The following PACRG variants were observed in gnomAD, a reference collection of about 807,000 sequenced individuals.
PACRG encodes the protein parkin coregulated, also known as parkin coregulated gene protein.
A neutral mutation model predicts 29.7 loss-of-function variants in PACRG; 29 were observed. That is an observed-to-expected ratio of 0.98 (90% CI 0.73 to 1.33). The LOEUF (loss-of-function observed/expected upper bound fraction) is 1.33, where lower values mean the gene tolerates loss of function less well. Ranked by LOEUF, PACRG falls within the 40% of genes most tolerant of loss-of-function variation. The pLI is 0.00. For missense variants in PACRG, 279 were observed against 316.2 expected (o/e 0.88, Z 0.89); for synonymous variants, 116 against 118.7 (o/e 0.98, Z 0.15).
At chr6:163,035,016 G>A (rs1289748630) in intron 2 of PACRG, among the ~76,000 whole-genome samples, 1 of 152,142 alleles carries the variant, frequency 6.6e-6, no homozygotes, top group Admixed American at 6.5e-5. Context: ...ACCATATAGG[G>A]TAACTTCCTG....
intron 2 of PACRG, among the ~76,000 whole-genome samples, chr6:162,844,425 A>C (rs71567683): frequency 0.07 from 10,619 of 152,268 alleles, 650 homozygotes; most frequent in South Asian, 0.11. Context: ...GCGCTTCCCA[A>C]GTGAGGCAAT....
chr6:162,900,738 T>G (rs1190508892), intron 2 of PACRG, among the ~76,000 whole-genome samples: 2 of 152,188 alleles, frequency 1.3e-5, no homozygotes, highest in Non-Finnish European at 2.9e-5. Context: ...CGGGACTTGC[T>G]GTTTGCTTTT....
At chr6:163,289,019 GC>G (rs1368086795) in intron 4 of PACRG, among the ~76,000 whole-genome samples, 5 of 152,190 alleles carry the variant, frequency 3.3e-5, no homozygotes, top group Non-Finnish European at 5.9e-5. Flanking sequence ...CCCTCCATCA[GC>G]GAGGACAGGC....
intron 1 of PACRG, among the ~76,000 whole-genome samples, chr6:162,793,581 A>G (rs976363202): frequency 6.6e-6 from 1 of 152,214 alleles, no homozygotes; most frequent in South Asian, 2.1e-4. Flanking sequence ...AAGAAGAAGG[A>G]AGAAAGGAAT....
chr6:163,237,070 G>A (rs948410669), intron 4 of PACRG, among the ~76,000 whole-genome samples: 1 of 152,160 alleles, frequency 6.6e-6, no homozygotes, highest in Non-Finnish European at 1.5e-5. Context: ...AATTCAACAC[G>A]AGATTTGACT....
chr6:162,741,990 T>C (rs1168225240), intron 1 of PACRG, among the ~76,000 whole-genome samples: 1 of 152,202 alleles, frequency 6.6e-6, no homozygotes, highest in Admixed American at 6.5e-5. Flanking sequence ...TGTTGTACAA[T>C]AGATCTCTTG....
intron 2 of PACRG, among the ~76,000 whole-genome samples, chr6:162,847,069 C>CCGTGCTCCT (rs1180054198): frequency 1.3e-5 from 2 of 148,276 alleles, no homozygotes; most frequent in African/African-American, 5.0e-5. Flanking sequence ...ATGCTGACTG[C>CCGTGCTCCT]CATGCTCCCC....
rs1377417251 is a variant in PACRG, at chr6:162,827,546, T to A, written c.291+13265T>A. Among the ~76,000 whole-genome samples, 4 of 152,352 alleles carry A rather than the reference T, an allele frequency of 2.6e-5. No individual in the cohort carries two copies. In the East Asian group the frequency reaches 7.7e-4, roughly 29 times the overall value. On this transcript the variant is annotated intron_variant, in intron 2 of 4. Transcript: ENST00000366888. ...AGCTCCACGACCAAATGAATAATCCTCTATGGAATATACTAGTATTGCAGA... is the reference window on the plus strand; with the variant it reads ...AGCTCCACGACCAAATGAATAATCCACTATGGAATATACTAGTATTGCAGA...
chr6:162,928,536 T>G (rs776295669), intron 2 of PACRG, among the ~76,000 whole-genome samples: 8 of 152,078 alleles, frequency 5.3e-5, no homozygotes, highest in Non-Finnish European at 1.0e-4. Flanking sequence ...ATTCAATACA[T>G]TCATGTAATT....
chr6:162,975,849 C>T (rs1801908096), intron 2 of PACRG, among the ~76,000 whole-genome samples: 2 of 151,970 alleles, frequency 1.3e-5, no homozygotes, highest in South Asian at 4.2e-4. Flanking sequence ...TCCCTCCCTC[C>T]CTTCCTTCCA....
chr6:163,313,379 GA>G (rs1785513760), intron 4 of PACRG, among the ~76,000 whole-genome samples: 3 of 151,886 alleles, frequency 2.0e-5, no homozygotes, highest in Admixed American at 2.0e-4. Context: ...AATAAGGATA[GA>G]AATTTATTGT....
intron 2 of PACRG, among the ~76,000 whole-genome samples, chr6:162,925,172 A>G (rs144980872): frequency 0.014 from 2,126 of 152,284 alleles, 24 homozygotes; most frequent in Non-Finnish European, 0.022. Context: ...GCAGTAATAA[A>G]TAGCCTACCA....
At chr6:162,756,402 C>T (rs1428171162) in intron 1 of PACRG, among the ~76,000 whole-genome samples, 2 of 152,008 alleles carry the variant, frequency 1.3e-5, no homozygotes, top group Admixed American at 6.6e-5. Context: ...ATAATCTTCT[C>T]GTCCCTTTTA....
At chr6:163,214,786 T>A (rs923958781) in intron 4 of PACRG, among the ~76,000 whole-genome samples, 2 of 152,256 alleles carry the variant, frequency 1.3e-5, no homozygotes, top group Non-Finnish European at 1.5e-5. Flanking sequence ...CATTTAACAC[T>A]GTTGGCTGCC....
chr6:162,761,765 C>T (rs1332517479), intron 1 of PACRG, among the ~76,000 whole-genome samples: 2 of 151,590 alleles, frequency 1.3e-5, no homozygotes, highest in South Asian at 2.1e-4. Flanking sequence ...GATGAAACCC[C>T]GTCTCTACTA....
intron 2 of PACRG, among the ~76,000 whole-genome samples, chr6:162,868,783 G>C (rs1792545842): frequency 6.6e-6 from 1 of 152,098 alleles, no homozygotes; most frequent in South Asian, 2.1e-4. Flanking sequence ...GAATTGTTTG[G>C]GATTGTTACA....
intron 3 of PACRG, among the ~76,000 whole-genome samples, chr6:163,081,662 G>A (rs1388587701): frequency 1.3e-5 from 2 of 152,066 alleles, no homozygotes; most frequent in Non-Finnish European, 2.9e-5. Flanking sequence ...AGGCTGAGGT[G>A]ACAGGATCAC....
At chr6:163,255,771 G>A (rs1252873090) in intron 4 of PACRG, among the ~76,000 whole-genome samples, 1 of 152,102 alleles carries the variant, frequency 6.6e-6, no homozygotes, top group African/African-American at 2.4e-5. Flanking sequence ...CAAGTAGTGG[G>A]ACTACAGGCC....
At chr6:163,209,503 A>G (rs910909053) in intron 4 of PACRG, among the ~76,000 whole-genome samples, 3 of 152,240 alleles carry the variant, frequency 2.0e-5, no homozygotes, top group African/African-American at 7.2e-5. Context: ...CCCACAACAA[A>G]TAATTGTTAA....
Sources: allele counts gnomAD v4.1 joint callset (sites outside exome capture counted in the v4.1 genomes callset), GRCh38; gene constraint gnomAD v4.1.1; transcripts MANE v1.5; gene names NCBI Gene and HGNC (gene_info 2026-07-23, HGNC 2026-07-21).